Variants in ZFPM2 observed in about 807,000 individuals in gnomAD.
ZFPM2 encodes the protein zinc finger protein ZFPM2.
Under a neutral mutation model 98.6 loss-of-function variants are expected in ZFPM2, and 20 were observed. The observed-to-expected ratio is 0.20, with a 90% CI of 0.14 to 0.29. ZFPM2 has a LOEUF of 0.29. Among genes scored for constraint, ZFPM2 ranks in the 10% least tolerant of loss-of-function variants. ZFPM2 has a pLI of 1.00. For synonymous variants in ZFPM2, 518 were observed against 502.7 expected (o/e 1.03, Z -0.41); for missense variants, 1,310 against 1,388.6 (o/e 0.94, Z 0.90).
intron 3 of ZFPM2, among the ~76,000 whole-genome samples, chr8:105,466,575 C>T (rs557651504): frequency 1.8e-4 from 27 of 152,070 alleles, no homozygotes; most frequent in Admixed American, 1.4e-3. Flanking sequence ...TTGTTATTCC[C>T]ATAGGTCCTT....
At chr8:105,795,007 G>A (rs1367132551) in intron 6 of ZFPM2, among the ~76,000 whole-genome samples, 1 of 152,162 alleles carries the variant, frequency 6.6e-6, no homozygotes, top group Non-Finnish European at 1.5e-5. Context: ...GACTAGGAAA[G>A]GGAACTCCTT....
chr8:105,534,105 CCCTT>C (rs1814381841), intron 3 of ZFPM2, among the ~76,000 whole-genome samples: 1 of 33,964 alleles, frequency 2.9e-5, no homozygotes, highest in African/African-American at 1.6e-4. Context: ...CTCCCTTCCT[CCCTT>C]CCTTCCTCCC....
At chr8:105,446,879 C>T (rs1257104590) in intron 3 of ZFPM2, among the ~76,000 whole-genome samples, 2 of 152,022 alleles carry the variant, frequency 1.3e-5, no homozygotes, top group Non-Finnish European at 2.9e-5. Context: ...ATTTACTTTT[C>T]AAGGTAGAAT....
chr8:105,596,171 G>A (rs1239500634), intron 4 of ZFPM2, among the ~76,000 whole-genome samples: 1 of 152,034 alleles, frequency 6.6e-6, no homozygotes, highest in Non-Finnish European at 1.5e-5. Context: ...TGTAAGTTGT[G>A]TGAATGAAAA....
intron 2 of ZFPM2, among the ~76,000 whole-genome samples, chr8:105,432,946 A>C (rs1241739661): frequency 1.3e-5 from 2 of 152,052 alleles, no homozygotes; most frequent in African/African-American, 4.8e-5. Context: ...ACAAAACATA[A>C]AAATAATTAG....
intron 1 of ZFPM2, among the ~76,000 whole-genome samples, chr8:105,343,491 A>G (rs1812465318): frequency 6.6e-6 from 1 of 152,160 alleles, no homozygotes; most frequent in East Asian, 1.9e-4. Flanking sequence ...ATATCTGGAG[A>G]ACTCCTATAG....
chr8:105,498,986 G>A (rs1159958271), intron 3 of ZFPM2, among the ~76,000 whole-genome samples: 1 of 152,190 alleles, frequency 6.6e-6, no homozygotes, highest in African/African-American at 2.4e-5. Context: ...GATTGGAAGT[G>A]TGGAATATAA....
chr8:105,686,412 T>C (rs1410320300), intron 5 of ZFPM2, among the ~76,000 whole-genome samples: 2 of 152,148 alleles, frequency 1.3e-5, no homozygotes, highest in South Asian at 2.1e-4. Flanking sequence ...TAGCATTTTT[T>C]TGGAGGCTCC....
intron 4 of ZFPM2, among the ~76,000 whole-genome samples, chr8:105,626,891 A>G (rs192195241): frequency 6.6e-6 from 1 of 152,108 alleles, no homozygotes; most frequent in East Asian, 1.9e-4. Context: ...TGTATTTCCT[A>G]AACTAAAGTC....
At chr8:105,405,063 T>C (rs1371334376) in intron 1 of ZFPM2, among the ~76,000 whole-genome samples, 2 of 151,984 alleles carry the variant, frequency 1.3e-5, no homozygotes, top group Non-Finnish European at 2.9e-5. Context: ...AATAGTGAAA[T>C]TGATATCATA....
At chr8:105,694,977 T>G (rs1810980631) in intron 5 of ZFPM2, among the ~76,000 whole-genome samples, 1 of 152,174 alleles carries the variant, frequency 6.6e-6, no homozygotes, top group Non-Finnish European at 1.5e-5. Flanking sequence ...TCTCATTTAC[T>G]TTTTAAGATA....
chr8:105,648,341 C>T (rs537624665), intron 5 of ZFPM2, among the ~76,000 whole-genome samples: 13 of 152,146 alleles, frequency 8.5e-5, no homozygotes, highest in Non-Finnish European at 1.0e-4. Flanking sequence ...CTGTTCACTC[C>T]GATAGTAGTT....
intron 2 of ZFPM2, among the ~76,000 whole-genome samples, chr8:105,428,464 A>G (rs1010245925): frequency 6.6e-6 from 1 of 152,206 alleles, no homozygotes; most frequent in Non-Finnish European, 1.5e-5. Flanking sequence ...AACTGAAATT[A>G]TATTACCTTG....
At chr8:105,327,999 A>G (rs1052407701) in intron 1 of ZFPM2, among the ~76,000 whole-genome samples, 7 of 151,598 alleles carry the variant, frequency 4.6e-5, no homozygotes, top group Admixed American at 1.3e-4. Flanking sequence ...TTTTCTTTTT[A>G]ATAAAACCCT....
At chr8:105,330,093 G>A (rs1812183417) in intron 1 of ZFPM2, among the ~76,000 whole-genome samples, 2 of 151,624 alleles carry the variant, frequency 1.3e-5, no homozygotes, top group Admixed American at 6.6e-5. Context: ...AAGTAGAATA[G>A]CTAGTTTTAG....
intron 5 of ZFPM2, among the ~76,000 whole-genome samples, chr8:105,644,399 G>A (rs1002005316): frequency 8.0e-5 from 12 of 150,710 alleles, no homozygotes; most frequent in African/African-American, 2.4e-4. Context: ...TACCACACTC[G>A]GCTCTCTATG....
intron 5 of ZFPM2, among the ~76,000 whole-genome samples, chr8:105,772,918 C>T (rs551754168): frequency 1.3e-5 from 2 of 152,224 alleles, no homozygotes; most frequent in South Asian, 2.1e-4. Flanking sequence ...GCTTTGTTAT[C>T]TTGACATGGG....
intron 3 of ZFPM2, among the ~76,000 whole-genome samples, chr8:105,544,421 A>G (rs534603723): frequency 6.6e-6 from 1 of 152,238 alleles, no homozygotes; most frequent in East Asian, 1.9e-4. Context: ...TTTGTAAATT[A>G]ATTTCTCTTA....
intron 5 of ZFPM2, among the ~76,000 whole-genome samples, chr8:105,775,138 T>TAGAG (rs1288582786): frequency 7.3e-6 from 1 of 137,064 alleles, no homozygotes; most frequent in African/African-American, 2.8e-5. Context: ...GACAAAGGAA[T>TAGAG]AGAGAGGTTC....
Sources: gnomAD v4.1 joint callset for allele counts (sites outside exome capture counted in the v4.1 genomes callset) on GRCh38, gnomAD v4.1.1 for gene constraint, MANE v1.5 for transcripts, NCBI Gene and HGNC (gene_info 2026-07-23, HGNC 2026-07-21) for gene names.